Variants in FREM1 observed in about 807,000 individuals in gnomAD.
FREM1 encodes the protein FRAS1 related extracellular matrix 1, also known as FRAS1-related extracellular matrix protein 1.
Under a neutral mutation model 210.1 loss-of-function variants are expected in FREM1, and 220 were observed. The ratio of observed to expected loss-of-function variants is 1.05; its 90% CI spans 0.94 to 1.17. The LOEUF (loss-of-function observed/expected upper bound fraction) is 1.17. Among genes scored for constraint, FREM1 ranks in the 50% most tolerant of loss-of-function variants. The pLI is 0.00. For missense variants in FREM1, 3,454 were observed against 2,675.5 expected (o/e 1.29, Z -6.42); for synonymous variants, 1,189 against 980.2 (o/e 1.21, Z -3.98).
intron 23 of FREM1, among the ~76,000 whole-genome samples, chr9:14,785,695 A>ATATACTATATGAC (rs6150929): frequency 1.3e-5 from 2 of 151,998 alleles, no homozygotes; most frequent in African/African-American, 4.8e-5. Context: ...ATGAAAAGAT[A>ATATACTATATGAC]TCCACTTACA....
chr9:14,749,942 TAGC>T (rs1156399839), intron 30 of FREM1, among the ~76,000 whole-genome samples, 182 bp downstream of exon 30: 2 of 152,190 alleles, frequency 1.3e-5, no homozygotes, highest in Non-Finnish European at 2.9e-5. Context: ...TGATCGTACT[TAGC>T]AGGAGGAAAA....
intron 1 of FREM1, among the ~76,000 whole-genome samples, chr9:14,888,737 T>C (rs1389183477): frequency 6.6e-6 from 1 of 152,218 alleles, no homozygotes; most frequent in African/African-American, 2.4e-5. Context: ...CTCTACAATG[T>C]TTTCTAATCC....
intron 10 of FREM1, among the ~76,000 whole-genome samples, chr9:14,830,816 T>C (rs1340643310): frequency 6.6e-6 from 1 of 152,226 alleles, no homozygotes; most frequent in African/African-American, 2.4e-5. Flanking sequence ...CATATCACTT[T>C]GGTGCATTGA....
chr9:14,765,909 G>A (rs1846309521), intron 27 of FREM1, among the ~76,000 whole-genome samples: 2 of 152,200 alleles, frequency 1.3e-5, no homozygotes, highest in Admixed American at 1.3e-4. Flanking sequence ...AAACAACTTT[G>A]GTCAGAAGTT....
chr9:14,756,895 G>T (rs975968674), intron 28 of FREM1, among the ~76,000 whole-genome samples: 1 of 152,152 alleles, frequency 6.6e-6, no homozygotes, highest in African/African-American at 2.4e-5. Flanking sequence ...AGCTAGCTTG[G>T]AGGTATCCTG....
At chr9:14,777,173 A>C (rs1467600972) in intron 24 of FREM1, among the ~76,000 whole-genome samples, 1 of 152,250 alleles carries the variant, frequency 6.6e-6, no homozygotes, top group Non-Finnish European at 1.5e-5. Flanking sequence ...ATTTGAGACA[A>C]GCAAAATCTT....
chr9:14,848,621 T>G, intron 7 of FREM1, 44 bp downstream of exon 7: 1 of 1,142,558 alleles, frequency 8.8e-7, no homozygotes, highest in Non-Finnish European at 1.3e-6. Context: ...TTTCTTGTAT[T>G]CCCTTCAGGG....
intron 13 of FREM1, among the ~76,000 whole-genome samples, chr9:14,822,350 A>C (rs1430954445): frequency 6.6e-6 from 1 of 152,126 alleles, no homozygotes; most frequent in Non-Finnish European, 1.5e-5. Flanking sequence ...TTGGGCAGGT[A>C]TAGAGATGAT....
chr9:14,762,202 A>G (rs189572501), intron 27 of FREM1, among the ~76,000 whole-genome samples: 65 of 152,350 alleles, frequency 4.3e-4, no homozygotes, highest in East Asian at 2.1e-3. Flanking sequence ...AGAAAAAAAA[A>G]GTCAGCAAGA....
chr9:14,872,675 A>G (rs1262401957), intron 1 of FREM1, among the ~76,000 whole-genome samples: 3 of 149,854 alleles, frequency 2.0e-5, no homozygotes, highest in Non-Finnish European at 1.5e-5. Flanking sequence ...TCTCCTGCCT[A>G]ATTGCCCTGG....
intron 35 of FREM1, among the ~76,000 whole-genome samples, chr9:14,744,015 A>G (rs1842003014): frequency 2.0e-5 from 3 of 152,134 alleles, no homozygotes; most frequent in African/African-American, 4.8e-5. Context: ...GTTCTTTAAC[A>G]TGTAGCACTA....
chr9:14,760,009 T>A, intron 27 of FREM1, 108 bp from the exon 28 acceptor site: 1 of 722,162 alleles, frequency 1.4e-6, no homozygotes, highest in Non-Finnish European at 2.1e-6. Context: ...CCTACACCAG[T>A]GATGGAAATT....
At chr9:14,776,994 T>C (rs1338768479) in intron 24 of FREM1, among the ~76,000 whole-genome samples, 2 of 152,214 alleles carry the variant, frequency 1.3e-5, no homozygotes, top group Non-Finnish European at 2.9e-5. Flanking sequence ...TGGGAGATCA[T>C]AAGGGCAGGT....
At position 14,848,656 on chromosome 9, in the gene FREM1, G is replaced by A; in HGVS notation, c.1261+9C>T. On this transcript the variant is annotated intron_variant, in intron 7 of 36. Coordinates refer to ENST00000380880, the MANE Select transcript of FREM1 (RefSeq NM_001379081.2). ...GCTATGTTGCTCTATGCCTTATATT[G>A]AGCTTTACCTGTATTCCAGGATACA... 1.3e-6 allele frequency: 2 copies of A among 1,528,612 alleles called. No individual in the cohort carries two copies. Among genetic ancestry groups the A allele is most frequent in the African/African-American group, 1.4e-5 (1 of 73,300 alleles). 94.7% of individuals were successfully genotyped at this position (1,528,612 alleles called of 1,614,324 possible).
chr9:14,823,135 C>A (rs1346245846), intron 13 of FREM1, 25 bp downstream of exon 13: 1 of 1,565,384 alleles, frequency 6.4e-7, no homozygotes, highest in Admixed American at 1.7e-5. Context: ...TCCTTTTCAT[C>A]CTCTATATAG....
intron 10 of FREM1, among the ~76,000 whole-genome samples, chr9:14,828,406 T>A (rs1822884061): frequency 6.6e-6 from 1 of 152,190 alleles, no homozygotes; most frequent in Non-Finnish European, 1.5e-5. Flanking sequence ...CACCATTGTA[T>A]TTTAGAAGCA....
At chr9:14,756,118 G>T (rs1419792190) in intron 29 of FREM1, among the ~76,000 whole-genome samples, 1 of 152,024 alleles carries the variant, frequency 6.6e-6, no homozygotes, top group East Asian at 1.9e-4. Flanking sequence ...TGTCTTGGAT[G>T]TTTGCTTTGA....
At chr9:14,750,562 CTTAATTAT>C in intron 29 of FREM1, among the ~76,000 whole-genome samples, 1 of 152,320 alleles carries the variant, frequency 6.6e-6, no homozygotes, top group African/African-American at 2.4e-5. Flanking sequence ...AGATCCAAGA[CTTAATTAT>C]TTTCCCAACC....
Position 14,805,170 on chromosome 9 carries a change from G to T in FREM1, c.3275-18C>A. On this transcript the variant is annotated intron_variant, in intron 18 of 36. Transcript: ENST00000380880. ...AAATGAATCTAGAGCACACCAAGAT[G>T]GAACAGATAAATAAAAAAAAAATTT... The T allele has an allele frequency of 6.9e-7, 1 of 1,440,032 alleles. No individual in the cohort carries two copies. Among genetic ancestry groups the T allele is most frequent in the Non-Finnish European group, 9.2e-7 (1 of 1,087,480 alleles). 89.2% of individuals were successfully genotyped at this position (1,440,032 alleles called of 1,614,324 possible).
Sources: allele counts gnomAD v4.1 joint callset (sites outside exome capture counted in the v4.1 genomes callset), GRCh38; gene constraint gnomAD v4.1.1; transcripts MANE v1.5; gene names NCBI Gene and HGNC (gene_info 2026-07-23, HGNC 2026-07-21).